Variants in DPYD observed in about 807,000 individuals in gnomAD.
DPYD encodes the protein dihydropyrimidine dehydrogenase.
In DPYD, 109 loss-of-function variants were observed where a neutral mutation model predicts 116.2. The observed-to-expected ratio is 0.94, with a 90% CI of 0.80 to 1.10. The LOEUF (loss-of-function observed/expected upper bound fraction) is 1.10, where lower values mean the gene tolerates loss of function less well. Among genes scored for constraint, DPYD ranks in the 50% least tolerant of loss-of-function variants. DPYD has a pLI of 0.00. For missense variants in DPYD, 1,302 were observed against 1,254.5 expected (o/e 1.04, Z -0.57); for synonymous variants, 440 against 432.0 (o/e 1.02, Z -0.23).
chr1:97,305,481 T>C (rs1667104639), intron 17 of DPYD, 103 bp from the exon 18 acceptor site: 1 of 1,475,556 alleles, frequency 6.8e-7, no homozygotes, highest in African/African-American at 1.4e-5. Context: ...TATTTTATCT[T>C]GAGAACATGT....
intron 3 of DPYD, among the ~76,000 whole-genome samples, chr1:97,747,416 G>A (rs1325917276): frequency 6.6e-6 from 1 of 152,116 alleles, no homozygotes; most frequent in Admixed American, 6.5e-5. Flanking sequence ...GGGCTTGTTG[G>A]CGACACTCTC....
At chr1:97,200,590 G>A (rs1287644842) in intron 19 of DPYD, among the ~76,000 whole-genome samples, 3 of 152,100 alleles carry the variant, frequency 2.0e-5, no homozygotes, top group African/African-American at 7.2e-5. Context: ...ATTTTGATAA[G>A]CACATATTTT....
At chr1:97,514,636 T>C (rs2101971669) in intron 13 of DPYD, among the ~76,000 whole-genome samples, 1 of 152,026 alleles carries the variant, frequency 6.6e-6, no homozygotes, top group African/African-American at 2.4e-5. Flanking sequence ...TTTAATAAAA[T>C]ATTCAGTTGA....
intron 8 of DPYD, among the ~76,000 whole-genome samples, chr1:97,670,031 G>A (rs915078229): frequency 6.6e-6 from 1 of 152,088 alleles, no homozygotes; most frequent in Non-Finnish European, 1.5e-5. Flanking sequence ...AAACCACTGT[G>A]TACTGTGCAC....
intron 2 of DPYD, among the ~76,000 whole-genome samples, chr1:97,881,552 G>A (rs772542558): frequency 1.8e-4 from 27 of 151,930 alleles, no homozygotes; most frequent in Admixed American, 3.9e-4. Flanking sequence ...AGAGAAAGTG[G>A]ACCTCACTGT....
chr1:97,669,536 T>C (rs1417818593), intron 8 of DPYD, among the ~76,000 whole-genome samples: 2 of 152,170 alleles, frequency 1.3e-5, no homozygotes, highest in South Asian at 2.1e-4. Context: ...TTCAATTGCA[T>C]TGCTTCTAAA....
intron 8 of DPYD, among the ~76,000 whole-genome samples, chr1:97,607,519 A>G (rs1043884131): frequency 1.3e-5 from 2 of 151,884 alleles, no homozygotes; most frequent in African/African-American, 4.8e-5. Context: ...GTTAGCAAAA[A>G]AAATGGTGCT....
chr1:97,452,853 C>G (rs1204823435), intron 13 of DPYD, among the ~76,000 whole-genome samples: 2 of 152,032 alleles, frequency 1.3e-5, no homozygotes, highest in Non-Finnish European at 1.5e-5. Context: ...TCCTATAGAG[C>G]CTGCAGAACC....
Position 97,833,143 on chromosome 1 carries a change from C to A in DPYD, c.151-4947G>T, listed in dbSNP as rs1043070678. Among the ~76,000 whole-genome samples, 8 of 151,644 alleles carry A rather than the reference C, an allele frequency of 5.3e-5. No individual in the cohort carries two copies. The South Asian group carries it at 1.7e-3, about 32-fold the overall frequency. ...CTAAATCAGATCTAAAATTTATATACAAACCTAAATTGAATAAATTAGGAA... is the reference window on the plus strand; with the variant it reads ...CTAAATCAGATCTAAAATTTATATAAAAACCTAAATTGAATAAATTAGGAA... On this transcript the variant is annotated intron_variant, in intron 2 of 22. Transcript: ENST00000370192.
chr1:97,134,529 G>A (rs1653634746), intron 20 of DPYD, among the ~76,000 whole-genome samples: 1 of 152,104 alleles, frequency 6.6e-6, no homozygotes, highest in Non-Finnish European at 1.5e-5. Context: ...GTTGTGATAA[G>A]AATTAAATGA....
intron 7 of DPYD, among the ~76,000 whole-genome samples, chr1:97,684,054 G>T (rs917334996): frequency 6.6e-6 from 1 of 152,028 alleles, no homozygotes; most frequent in Admixed American, 6.6e-5. Flanking sequence ...CTCTGATCTT[G>T]CTTATTTCTT....
intron 16 of DPYD, among the ~76,000 whole-genome samples, chr1:97,360,426 C>T (rs1189929874): frequency 1.3e-5 from 2 of 152,150 alleles, no homozygotes; most frequent in African/African-American, 2.4e-5. Flanking sequence ...ATATCCAGGA[C>T]TTGAACTCAG....
At chr1:97,122,409 C>T (rs749917289) in intron 20 of DPYD, among the ~76,000 whole-genome samples, 49 of 152,048 alleles carry the variant, frequency 3.2e-4, no homozygotes, top group Non-Finnish European at 5.0e-4. Context: ...AAGTACTAGG[C>T]TATAAAGCTT....
chr1:97,257,178 C>T (rs979507835), intron 18 of DPYD, among the ~76,000 whole-genome samples: 1 of 151,202 alleles, frequency 6.6e-6, no homozygotes, highest in Non-Finnish European at 1.5e-5. Context: ...GGAATGTACT[C>T]AACAAAAAAG....
chr1:97,809,776 G>A (rs1451147682), intron 3 of DPYD, among the ~76,000 whole-genome samples: 1 of 152,070 alleles, frequency 6.6e-6, no homozygotes, highest in Non-Finnish European at 1.5e-5. Flanking sequence ...AAGAATTGAA[G>A]GAATAGAGGC....
intron 14 of DPYD, among the ~76,000 whole-genome samples, chr1:97,408,643 T>TTGCA (rs1322909582): frequency 6.6e-6 from 1 of 152,124 alleles, no homozygotes. Flanking sequence ...CTGGATTGGA[T>TTGCA]TGCAACGTAT....
intron 8 of DPYD, among the ~76,000 whole-genome samples, chr1:97,634,398 T>G (rs577171389): frequency 6.6e-6 from 1 of 152,076 alleles, no homozygotes; most frequent in South Asian, 2.1e-4. Context: ...AAATGGAAAC[T>G]GACACACTGG....
intron 7 of DPYD, among the ~76,000 whole-genome samples, chr1:97,685,359 A>G (rs1660660397): frequency 6.6e-6 from 1 of 152,172 alleles, no homozygotes; most frequent in Non-Finnish European, 1.5e-5. Context: ...AATAAAAGCC[A>G]TTTACAATAA....
chr1:97,104,532 G>A (rs1443882512), intron 20 of DPYD, among the ~76,000 whole-genome samples: 1 of 152,078 alleles, frequency 6.6e-6, no homozygotes, highest in Non-Finnish European at 1.5e-5. Flanking sequence ...TATATGAGCA[G>A]TGACAATGTG....
Sources: gnomAD v4.1 joint callset for allele counts (sites outside exome capture counted in the v4.1 genomes callset) on GRCh38, gnomAD v4.1.1 for gene constraint, MANE v1.5 for transcripts, NCBI Gene and HGNC (gene_info 2026-07-23, HGNC 2026-07-21) for gene names.